MDGA2: variants seen among roughly 807,000 people sequenced by gnomAD.
MDGA2 encodes MAM domain containing glycosylphosphatidylinositol anchor 2.
MDGA2 carries 40 observed loss-of-function variants against 117.8 expected under a neutral mutation model. The ratio of observed to expected loss-of-function variants is 0.34; its 90% CI spans 0.26 to 0.44. The LOEUF (loss-of-function observed/expected upper bound fraction) is 0.44. Ranked by LOEUF, MDGA2 falls within the 20% of genes least tolerant of loss-of-function variation. The pLI, the probability that MDGA2 is intolerant of heterozygous loss-of-function variation, is 1.00. For synonymous variants in MDGA2, 452 were observed against 439.0 expected, an observed-to-expected ratio of 1.03 and a Z score of -0.37; for missense variants, 1,123 against 1,250.6, an observed-to-expected ratio of 0.90 and a Z score of 1.54.
rs745355263 is a variant in MDGA2, at chr14:46,845,718, A to G, written c.2989+48T>C. 14 of 1,107,186 alleles carry G rather than the reference A, an allele frequency of 1.3e-5. No homozygotes were observed. In the South Asian group the frequency reaches 1.8e-4, roughly 14 times the overall value. 68.6% of individuals were successfully genotyped at this position (1,107,186 alleles called of 1,614,324 possible). Reference sequence around the variant, plus strand: ...TAAATTAAATGTTAATTTAATAGTAATGTTACTTTAACGTTACAACAAACC... The same window carrying G: ...TAAATTAAATGTTAATTTAATAGTAGTGTTACTTTAACGTTACAACAAACC... On this transcript the variant is annotated intron_variant, in intron 16 of 16. Transcript: ENST00000399232.
At chr14:47,585,475 A>G (rs1402126361) in intron 1 of MDGA2, among the ~76,000 whole-genome samples, 2 of 151,966 alleles carry the variant, frequency 1.3e-5, no homozygotes, top group Admixed American at 1.3e-4. Flanking sequence ...CATTTCGGAA[A>G]GTGCTATAAG....
chr14:47,166,087 C>T (rs1168912243), intron 3 of MDGA2, among the ~76,000 whole-genome samples: 2 of 140,324 alleles, frequency 1.4e-5, no homozygotes, highest in African/African-American at 2.7e-5. Context: ...CCAGGCTGGA[C>T]TGCAATAGGG....
intron 1 of MDGA2, among the ~76,000 whole-genome samples, chr14:47,629,356 A>C (rs891309082): frequency 6.6e-6 from 1 of 152,204 alleles, no homozygotes; most frequent in East Asian, 1.9e-4. Context: ...GGTTTTTAAA[A>C]ATTTATTAAC....
chr14:47,638,159 G>A (rs996228587), intron 1 of MDGA2, among the ~76,000 whole-genome samples: 1 of 152,166 alleles, frequency 6.6e-6, no homozygotes, highest in African/African-American at 2.4e-5. Flanking sequence ...CGTGTCCACA[G>A]AATACACGTG....
At chr14:47,398,323 G>C (rs1325570635) in intron 1 of MDGA2, among the ~76,000 whole-genome samples, 1 of 152,150 alleles carries the variant, frequency 6.6e-6, no homozygotes, top group Admixed American at 6.5e-5. Context: ...ATTCTCTCAA[G>C]AGTCTTGTAG....
Position 47,428,204 on chromosome 14 carries a change from T to C in MDGA2, c.281-126654A>G, listed in dbSNP as rs1390612805. Among the ~76,000 whole-genome samples the C allele has an allele frequency of 2.0e-5, 3 of 152,322 alleles. No individual in the cohort carries two copies. The South Asian group carries it at 6.2e-4, about 32-fold the overall frequency. ...AACTCTTTACTCACTTTTTTCTATG[T>C]ATTATTAATGAATAAGGATAATTAC... On this transcript the variant is annotated intron_variant, in intron 1 of 16. Transcript: ENST00000399232.
At chr14:47,148,345 C>T (rs934286438) in intron 3 of MDGA2, among the ~76,000 whole-genome samples, 1 of 152,076 alleles carries the variant, frequency 6.6e-6, no homozygotes, top group African/African-American at 2.4e-5. Flanking sequence ...GTTCTTGGAC[C>T]TGGTATTCTA....
intron 1 of MDGA2, among the ~76,000 whole-genome samples, chr14:47,526,498 C>T (rs1207176006): frequency 1.3e-5 from 2 of 152,054 alleles, no homozygotes; most frequent in African/African-American, 2.4e-5. Flanking sequence ...TTTAAAAGGA[C>T]CACTCCACTT....
chr14:46,977,058 C>T (rs1405643234), intron 8 of MDGA2, among the ~76,000 whole-genome samples: 1 of 151,740 alleles, frequency 6.6e-6, no homozygotes, highest in African/African-American at 2.4e-5. Flanking sequence ...ATTCTCAATT[C>T]TTTATTATTT....
chr14:47,545,281 A>G (rs973966145), intron 1 of MDGA2, among the ~76,000 whole-genome samples: 1 of 152,216 alleles, frequency 6.6e-6, no homozygotes, highest in African/African-American at 2.4e-5. Context: ...TCCATATTTA[A>G]TGGTTGAGAA....
rs535065186 is a variant in MDGA2, at chr14:46,965,060, A to T, written c.1820-7417T>A. 3.5e-3 allele frequency among the ~76,000 whole-genome samples: 493 copies of T among 139,160 alleles called. 24 individuals are homozygous for T. The highest frequency in any genetic ancestry group is 7.1e-3 in the Middle Eastern group (2 of 280). 91.3% of individuals were successfully genotyped at this position (139,160 alleles called of 152,430 possible). A position where few individuals can be genotyped will look rare whatever the true frequency, so the allele number is the denominator to read the frequency against. On this transcript the variant is annotated intron_variant, in intron 8 of 16. Coordinates refer to ENST00000399232, the MANE Select transcript of MDGA2 (RefSeq NM_001113498.3). ...TGCCTCAGCCTCCCGAGCAGCTGGG[A>T]CTACAGGCGCCCGCCACCACGCCCG...
In MDGA2 at chr14:47,286,069, T is replaced by C. The variant is rs981302737; in HGVS notation, c.420+15342A>G. On this transcript the variant is annotated intron_variant, in intron 2 of 16. Coordinates refer to ENST00000399232, the MANE Select transcript of MDGA2 (RefSeq NM_001113498.3). ...GTGTTTGCATTGTGTGTGTGATATA[T>C]ATATAACTTTTAATTCTTTTTAATT... is the stretch of plus-strand genomic sequence containing the variant. 3.3e-5 allele frequency among the ~76,000 whole-genome samples: 5 copies of C among 151,946 alleles called. No individual in the cohort carries two copies. The East Asian group carries it at 5.8e-4, about 18-fold the overall frequency.
rs546919478 is a variant in MDGA2, at chr14:46,860,589, C to T, written c.2753-5435G>A. ...AAAATTACCTTCTATCATTTTTCCT[C>T]TTCAGGGTAAGAAAGAATCTCAAAC... On this transcript the variant is annotated intron_variant, in intron 14 of 16. Coordinates refer to ENST00000399232, the MANE Select transcript of MDGA2 (RefSeq NM_001113498.3). Among the ~76,000 whole-genome samples the T allele has an allele frequency of 2.0e-5, 3 of 152,032 alleles. No individual in the cohort carries two copies. In the East Asian group the frequency reaches 5.8e-4, roughly 29 times the overall value.
intron 5 of MDGA2, among the ~76,000 whole-genome samples, chr14:47,121,346 T>C (rs1328045995): frequency 6.6e-6 from 1 of 152,062 alleles, no homozygotes; most frequent in East Asian, 1.9e-4. Flanking sequence ...TCAGCAGAAC[T>C]AATGTAATAA....
rs146423621 is a variant in MDGA2 at position 47,035,300 on chromosome 14, T to C, written c.1530A>G (p.Pro510=). 3.3e-5 allele frequency: 53 copies of C among 1,607,760 alleles called. 1 individual carries two copies. The African/African-American group carries it at 6.3e-4, about 19-fold the overall frequency. ...IDVNISSSTV[P]PNLTVPQEKS... is the part of the protein sequence containing the mutation. The stretch of plus-strand genomic sequence containing the variant: ...TTTCCTGTGGAACAGTCAGATTGGG[T>C]GGAACTTGAAATGGGAAAAAGAAAA... The change falls in exon 8 of 17, where the codon CCA becomes CCG. Residue 510 remains proline, a synonymous_variant. Transcript: ENST00000399232.
intron 1 of MDGA2, among the ~76,000 whole-genome samples, chr14:47,431,070 T>C (rs979237827): frequency 1.3e-5 from 2 of 152,078 alleles, no homozygotes; most frequent in African/African-American, 4.8e-5. Context: ...CAATATTGGT[T>C]AGCCCTGACC....
intron 5 of MDGA2, among the ~76,000 whole-genome samples, chr14:47,105,036 G>T (rs1300108675): frequency 6.6e-6 from 1 of 152,212 alleles, no homozygotes; most frequent in East Asian, 1.9e-4. Flanking sequence ...GCCTTCCCTT[G>T]GTGTTTAATC....
chr14:47,038,644 T>C (rs922837420), intron 7 of MDGA2, among the ~76,000 whole-genome samples: 2 of 152,122 alleles, frequency 1.3e-5, no homozygotes, highest in Admixed American at 6.6e-5. Flanking sequence ...ATTTAATATC[T>C]GTCTCTTCCT....
intron 14 of MDGA2, among the ~76,000 whole-genome samples, chr14:46,869,494 G>A: frequency 6.6e-6 from 1 of 151,462 alleles, no homozygotes; most frequent in South Asian, 2.1e-4. Context: ...ATATAAATCA[G>A]CAGGTACTTT....
Sources: allele counts gnomAD v4.1 joint callset (sites outside exome capture counted in the v4.1 genomes callset), GRCh38; gene constraint gnomAD v4.1.1; transcripts MANE v1.5; gene names NCBI Gene and HGNC (gene_info 2026-07-23, HGNC 2026-07-21).